The following RBFOX1 variants were observed in gnomAD, a reference collection of about 807,000 sequenced individuals.
RBFOX1 encodes RNA binding protein fox-1 homolog 1.
A neutral mutation model predicts 57.7 loss-of-function variants in RBFOX1; 8 were observed. The observed-to-expected ratio is 0.14, with a 90% CI of 0.08 to 0.25. RBFOX1 has a LOEUF of 0.25. Among genes scored for constraint, RBFOX1 ranks in the 10% least tolerant of loss-of-function variants. The pLI is 1.00. For synonymous variants in RBFOX1, 326 were observed against 222.4 expected, an observed-to-expected ratio of 1.47 and a Z score of -4.15; for missense variants, 611 against 548.5, an observed-to-expected ratio of 1.11 and a Z score of -1.14.
At chr16:5,761,017 A>G (rs2053573223) in intron 3 of RBFOX1, among the ~76,000 whole-genome samples, 1 of 152,184 alleles carries the variant, frequency 6.6e-6, no homozygotes, top group Non-Finnish European at 1.5e-5. Flanking sequence ...AAAACAGATA[A>G]TGTGGTAATT....
chr16:7,615,159 C>G (rs894970190), intron 10 of RBFOX1, among the ~76,000 whole-genome samples: 1 of 152,118 alleles, frequency 6.6e-6, no homozygotes, highest in Non-Finnish European at 1.5e-5. Flanking sequence ...CGGTGAAACC[C>G]CATCTCTACT....
chr16:6,900,602 C>T (rs1388707918), intron 3 of RBFOX1, among the ~76,000 whole-genome samples: 1 of 152,174 alleles, frequency 6.6e-6, no homozygotes, highest in African/African-American at 2.4e-5. Context: ...TAGCAATGTG[C>T]TGAGTGTCAC....
At chr16:6,691,553 C>A (rs930730597) in intron 3 of RBFOX1, among the ~76,000 whole-genome samples, 1 of 152,092 alleles carries the variant, frequency 6.6e-6, no homozygotes, top group African/African-American at 2.4e-5. Flanking sequence ...TCACATTACA[C>A]GCGTTATATG....
chr16:7,464,684 C>G (rs906206368), intron 4 of RBFOX1, among the ~76,000 whole-genome samples: 6 of 122,602 alleles, frequency 4.9e-5, no homozygotes, highest in Admixed American at 9.1e-5. Context: ...CTTGTATTGT[C>G]TGTCTTTTTT....
intron 3 of RBFOX1, among the ~76,000 whole-genome samples, chr16:6,691,632 C>A (rs9940015): frequency 0.081 from 12,310 of 152,176 alleles, 540 homozygotes; most frequent in African/African-American, 0.098. Context: ...TTTAAGATGA[C>A]CTTGGCTTAC....
chr16:7,230,726 T>G (rs1442051190), intron 4 of RBFOX1, among the ~76,000 whole-genome samples: 4 of 152,210 alleles, frequency 2.6e-5, no homozygotes, highest in Admixed American at 6.5e-5. Context: ...TAAGGCCACT[T>G]CTGTCAACTT....
chr16:6,371,338 G>A (rs968562880), intron 2 of RBFOX1, among the ~76,000 whole-genome samples: 2 of 152,020 alleles, frequency 1.3e-5, no homozygotes, highest in Non-Finnish European at 2.9e-5. Context: ...TTATATGTGT[G>A]GGTTGGCATT....
chr16:6,820,038 A>C (rs766455529), intron 3 of RBFOX1, among the ~76,000 whole-genome samples: 1 of 152,162 alleles, frequency 6.6e-6, no homozygotes, highest in African/African-American at 2.4e-5. Flanking sequence ...GAGGCACCCA[A>C]TAGGAAGTAA....
intron 4 of RBFOX1, among the ~76,000 whole-genome samples, chr16:7,315,376 A>G (rs555992831): frequency 2.6e-5 from 4 of 152,032 alleles, no homozygotes; most frequent in East Asian, 1.9e-4. Flanking sequence ...GGAAATAAAC[A>G]TGTCATTTTA....
chr16:5,412,017 A>G (rs1692451550), intron 1 of RBFOX1, among the ~76,000 whole-genome samples: 1 of 152,122 alleles, frequency 6.6e-6, no homozygotes, highest in Non-Finnish European at 1.5e-5. Context: ...TAGTTATGAG[A>G]GTCACGGGCA....
intron 2 of RBFOX1, among the ~76,000 whole-genome samples, chr16:6,450,817 A>ATGTATATT (rs1567303431): frequency 9.2e-5 from 1 of 10,812 alleles, no homozygotes; most frequent in African/African-American, 6.5e-4. Flanking sequence ...ATATATATAT[A>ATGTATATT]CATATATATA....
chr16:7,259,366 T>A (rs535199196), intron 4 of RBFOX1, among the ~76,000 whole-genome samples: 57 of 152,138 alleles, frequency 3.7e-4, no homozygotes, highest in Admixed American at 2.4e-3. Context: ...TGGGTTCCAG[T>A]CGTTCAGCAC....
Position 6,936,812 on chromosome 16 carries a change from T to G in RBFOX1, c.-15-115245T>G, listed in dbSNP as rs541249431. 2.2e-4 allele frequency among the ~76,000 whole-genome samples: 33 copies of G among 152,014 alleles called. No homozygotes were observed. The South Asian group carries it at 6.5e-3, about 30-fold the overall frequency. On this transcript the variant is annotated intron_variant, in intron 3 of 15. Coordinates refer to ENST00000550418, the MANE Select transcript of RBFOX1 (RefSeq NM_018723.4). ...TCTTGAAAGCCTGTGCCCAAAACGC[T>G]TTAAAGAGGTTCTTTCCGAATGCTC... is the stretch of plus-strand genomic sequence containing the variant.
At chr16:6,724,208 ATTT>A (rs35887818) in intron 3 of RBFOX1, among the ~76,000 whole-genome samples, 1 of 128,038 alleles carries the variant, frequency 7.8e-6, no homozygotes, top group Non-Finnish European at 1.7e-5. Context: ...GGCATCTTCC[ATTT>A]TTTTTTTTTT....
intron 3 of RBFOX1, among the ~76,000 whole-genome samples, chr16:6,758,424 G>C (rs913881397): frequency 3.9e-5 from 6 of 152,154 alleles, no homozygotes; most frequent in Non-Finnish European, 5.9e-5. Flanking sequence ...ACGGGTGCTA[G>C]AGTTGACAAA....
chr16:7,614,148 C>G (rs1486329221), intron 10 of RBFOX1: 2 of 152,284 alleles, frequency 1.3e-5, no homozygotes, highest in South Asian at 2.1e-4. Context: ...TGACCTTTGG[C>G]TCTGGGATGT....
At chr16:5,562,235 A>T (rs11639929) in intron 2 of RBFOX1, among the ~76,000 whole-genome samples, 56,433 of 152,064 alleles carry the variant, frequency 0.37, 11,479 homozygotes, top group East Asian at 0.52. Context: ...TCCGTGGCAA[A>T]GTGTGGAAAT....
chr16:5,522,592 C>G (rs935130543), intron 2 of RBFOX1, among the ~76,000 whole-genome samples: 3 of 152,176 alleles, frequency 2.0e-5, no homozygotes, highest in African/African-American at 4.8e-5. Context: ...ACAGTACATT[C>G]TTAACTATAG....
chr16:5,607,338 TA>T (rs752653341), intron 3 of RBFOX1, among the ~76,000 whole-genome samples: 41 of 152,164 alleles, frequency 2.7e-4, no homozygotes, highest in Non-Finnish European at 4.6e-4. Context: ...TGGTTCTGAT[TA>T]AAGGAAGTTG....
Sources: allele counts gnomAD v4.1 joint callset (sites outside exome capture counted in the v4.1 genomes callset), GRCh38; gene constraint gnomAD v4.1.1; transcripts MANE v1.5; gene names NCBI Gene and HGNC (gene_info 2026-07-23, HGNC 2026-07-21).